Variants in GSN observed in about 807,000 individuals in gnomAD.
GSN encodes the protein gelsolin, also known as actin-depolymerizing factor.
Under a neutral mutation model 85.7 loss-of-function variants are expected in GSN, and 56 were observed. The observed-to-expected ratio is 0.65, with a 90% CI of 0.53 to 0.82. The LOEUF (loss-of-function observed/expected upper bound fraction) is 0.82. GSN is among the 40% of genes least tolerant of loss of function. The pLI, the probability that GSN is intolerant of heterozygous loss-of-function variation, is 0.00. For synonymous variants in GSN, 373 were observed against 399.1 expected (o/e 0.93, Z 0.78); for missense variants, 857 against 979.8 (o/e 0.87, Z 1.67).
chr9:121,216,344 T>A (rs527769043), intron 4 of GSN, among the ~76,000 whole-genome samples: 1 of 152,194 alleles, frequency 6.6e-6, no homozygotes, highest in Admixed American at 6.5e-5. Context: ...CCCTCCATGA[T>A]GGCCAACAGC....
intron 4 of GSN, among the ~76,000 whole-genome samples, chr9:121,306,067 C>G (rs989416653): frequency 1.3e-5 from 2 of 152,132 alleles, no homozygotes; most frequent in Non-Finnish European, 2.9e-5. Flanking sequence ...AGTTCAGAAT[C>G]CCTTGATTCC....
At chr9:121,303,162 G>T in intron 4 of GSN, 97 bp downstream of exon 4, 1 of 1,183,180 alleles carries the variant, frequency 8.5e-7, no homozygotes. Context: ...TGATGCAGTG[G>T]GCAGACCGAT....
chr9:121,326,928 A>G (rs544480732), intron 13 of GSN: 3 of 688,268 alleles, frequency 4.4e-6, no homozygotes, highest in South Asian at 3.1e-5. Context: ...ATTCTGTACA[A>G]TCAGCATGCC....
At chr9:121,259,616 G>A (rs2055038703) in intron 6 of GSN, among the ~76,000 whole-genome samples, 1 of 152,184 alleles carries the variant, frequency 6.6e-6, no homozygotes, top group Non-Finnish European at 1.5e-5. Flanking sequence ...GATGAGATGA[G>A]GCTGGAGGGT....
chr9:121,218,542 C>T (rs545942768), intron 4 of GSN, among the ~76,000 whole-genome samples: 4 of 152,184 alleles, frequency 2.6e-5, no homozygotes, highest in East Asian at 1.9e-4. Context: ...GGCTGAGTCA[C>T]GAGAATCACT....
intron 16 of GSN, among the ~76,000 whole-genome samples, chr9:121,330,650 G>A (rs1179094550): frequency 6.6e-6 from 1 of 152,202 alleles, no homozygotes; most frequent in Non-Finnish European, 1.5e-5. Flanking sequence ...GCTCTTTGAA[G>A]TAATATTTTA....
At chr9:121,322,248 T>A (rs1383909733) in intron 11 of GSN, among the ~76,000 whole-genome samples, 2 of 152,220 alleles carry the variant, frequency 1.3e-5, no homozygotes, top group Non-Finnish European at 2.9e-5. Context: ...GCAAATAATT[T>A]ATAGCCTGGT....
At chr9:121,268,996 C>T (rs2055497732) in intron 1 of GSN, among the ~76,000 whole-genome samples, 1 of 152,198 alleles carries the variant, frequency 6.6e-6, no homozygotes, top group African/African-American at 2.4e-5. Flanking sequence ...TGTGGGTGAG[C>T]AGGAGACATT....
intron 4 of GSN, 62 bp downstream of exon 4, chr9:121,303,127 C>T: frequency 6.6e-7 from 1 of 1,522,974 alleles, no homozygotes; most frequent in Non-Finnish European, 9.1e-7. Flanking sequence ...AGGGCTCACT[C>T]AGGCCCATCT....
In GSN at chr9:121,299,850, G is replaced by A; in HGVS notation, c.-9-2113G>A. 5.2e-6 allele frequency: 7 copies of A among 1,353,196 alleles called. No individual in the cohort carries two copies. Among genetic ancestry groups the A allele is most frequent in the South Asian group, 3.3e-5 (2 of 61,026 alleles). The allele number at this position is 1,353,196 out of a possible 1,614,324, so 83.8% of individuals were successfully genotyped here. On this transcript the variant is annotated intron_variant, in intron 2 of 17. Coordinates refer to ENST00000432226, the MANE Select transcript of GSN (RefSeq NM_198252.3). The surrounding 1 kb of genome is among the most constrained non-coding windows in gnomAD (Gnocchi z 4.2). ...GCGGCTGCCGACTGGGTCCCCTGCC[G>A]CTGTCGCCACCATGGCTCCGCACCG...
chr9:121,281,517 C>A lies in GSN; in HGVS notation c.-55C>A. On this transcript the variant is annotated 5_prime_UTR_variant, in exon 2 of 18. Transcript: ENST00000432226. Reference sequence around the variant, plus strand: ...TCCAGTGCTTCGGCCTTGGTCCCAGCGCCTTCCCACGGAGCAGCACTCTTC... The same window carrying A: ...TCCAGTGCTTCGGCCTTGGTCCCAGAGCCTTCCCACGGAGCAGCACTCTTC... The A allele has an allele frequency of 2.5e-6, 1 of 407,940 alleles. No homozygotes were observed. The highest frequency in any genetic ancestry group is 5.1e-6 in the Non-Finnish European group (1 of 197,372). 25.3% of individuals were successfully genotyped at this position (407,940 alleles called of 1,614,324 possible).
At chr9:121,225,466 C>A (rs180699848) in intron 4 of GSN, among the ~76,000 whole-genome samples, 122 of 152,332 alleles carry the variant, frequency 8.0e-4, no homozygotes, top group Middle Eastern at 3.4e-3. Flanking sequence ...AGCCTAGGCA[C>A]GGCTGTTAGA....
chr9:121,234,296 C>T (rs2054450251), intron 5 of GSN, among the ~76,000 whole-genome samples: 1 of 152,180 alleles, frequency 6.6e-6, no homozygotes, highest in African/African-American at 2.4e-5. Context: ...GTAAGAAAGG[C>T]TATTGGGAGA....
At chr9:121,325,361 G>A (rs1360719855) in intron 12 of GSN, among the ~76,000 whole-genome samples, 1 of 152,174 alleles carries the variant, frequency 6.6e-6, no homozygotes. Flanking sequence ...CACATTGTGG[G>A]TAAAGGGTGG....
At chr9:121,248,773 A>C (rs886201308) in intron 6 of GSN, among the ~76,000 whole-genome samples, 1 of 150,292 alleles carries the variant, frequency 6.7e-6, no homozygotes, top group Non-Finnish European at 1.5e-5. Context: ...ACACACAAAC[A>C]TAGATTATTG....
At chr9:121,331,288 G>A (rs2063855142) in intron 16 of GSN, 100 bp from the exon 17 acceptor site, 3 of 750,778 alleles carry the variant, frequency 4.0e-6, no homozygotes, top group African/African-American at 1.7e-5. Context: ...AAAGGGGAGG[G>A]CTTTGTCTGG....
chr9:121,310,936 A>G, intron 5 of GSN, 91 bp downstream of exon 5: 1 of 1,210,416 alleles, frequency 8.3e-7, no homozygotes, highest in East Asian at 2.4e-5. Flanking sequence ...AAATGCATAG[A>G]TGCAGGTGGG....
intron 3 of GSN, chr9:121,210,443 G>A (rs190771520): frequency 6.6e-6 from 1 of 152,212 alleles, no homozygotes. Context: ...GAGTTGGGGT[G>A]CATAATTCTC....
chr9:121,225,707 C>T (rs1337905538), intron 4 of GSN, among the ~76,000 whole-genome samples: 1 of 152,208 alleles, frequency 6.6e-6, no homozygotes, highest in African/African-American at 2.4e-5. Context: ...TATCTCCTTG[C>T]TTGTAAAATG....
Sources: allele counts gnomAD v4.1 joint callset (sites outside exome capture counted in the v4.1 genomes callset), GRCh38; gene constraint gnomAD v4.1.1; non-coding constraint Gnocchi (gnomAD v3.1); transcripts MANE v1.5; gene names NCBI Gene and HGNC (gene_info 2026-07-23, HGNC 2026-07-21).